The following APOB variants were observed in gnomAD, a reference collection of about 807,000 sequenced individuals.
APOB encodes apolipoprotein B, also known as apolipoprotein B-100.
APOB carries 153 observed loss-of-function variants against 314.1 expected under a neutral mutation model. That is an observed-to-expected ratio of 0.49 (90% confidence interval 0.43 to 0.56). APOB has a LOEUF of 0.56. Among genes scored for constraint, APOB ranks in the 20% least tolerant of loss-of-function variants. The pLI is 0.00. For synonymous variants in APOB, 2,087 were observed against 2,036.4 expected, an observed-to-expected ratio of 1.02 and a Z score of -0.67; for missense variants, 5,430 against 5,350.7, an observed-to-expected ratio of 1.01 and a Z score of -0.46.
At position 21,038,092 on chromosome 2, in the gene APOB, T is replaced by C. The variant is rs769296548; in HGVS notation, c.403A>G (p.Ile135Val). The change falls in exon 5 of 29, where the codon ATT becomes GTT. Residue 135 changes from isoleucine (I) to valine (V), a missense_variant. Physicochemically the swap from Ile to Val is conservative, Grantham distance 29. Around this residue, in one of 3 missense-constraint regions of APOB, gnomAD observed 2,085 missense variants for 2,079.7 expected, o/e 1.00. Coordinates refer to ENST00000233242, the MANE Select transcript of APOB (RefSeq NM_000384.3). ...AMSRYELKLAIPEGKQVFLYP... is the reference protein window; with the variant it reads ...AMSRYELKLAVPEGKQVFLYP... ...AGGAAAACCTGCTTCCCTTCTGGAA[T>C]GGCCAGCTTGAGCTCATACCTGTCC... 2.4e-5 allele frequency: 39 copies of C among 1,614,012 alleles called. No individual in the cohort carries two copies. The highest frequency in any genetic ancestry group is 2.2e-4 in the South Asian group (20 of 91,078).
chr2:21,015,049 A>C, intron 23 of APOB, 24 bp downstream of exon 23: 1 of 1,607,804 alleles, frequency 6.2e-7, no homozygotes, highest in South Asian at 1.1e-5. Context: ...CCATGTATTT[A>C]TTGACTGGCA....
At position 21,006,641 on chromosome 2, in the gene APOB, A is replaced by G; in HGVS notation, c.10227T>C (p.Ser3409=). 6.2e-7 allele frequency: 1 copy of G among 1,614,088 alleles called. No homozygotes were observed. Among genetic ancestry groups the G allele is most frequent in the Non-Finnish European group, 8.5e-7 (1 of 1,179,968 alleles). The change falls in exon 26 of 29, where the codon AGT becomes AGC. Residue 3409 remains serine, a synonymous_variant. Coordinates refer to ENST00000233242, the MANE Select transcript of APOB (RefSeq NM_000384.3). ...LSLSNKFVEG[S]HNSTVSLTTK... ...TGGTTAAGCTCACAGTACTGTTATG[A>G]CTACCCTCCACAAATTTGTTGCTCA...
Position 21,004,309 on chromosome 2 carries a change from T to C in APOB, c.12047A>G (p.Asp4016Gly). Reference sequence around the variant, plus strand: ...GAAGTTCCATTTAGAAAAGTCGTCATCTTCATCCATATCCATGCCCACGGT... The same window carrying C: ...GAAGTTCCATTTAGAAAAGTCGTCACCTTCATCCATATCCATGCCCACGGT... ...VGTVGMDMDE[D>G]DDFSKWNFYY... Residue 4016 changes from aspartate to glycine, a missense_variant, in exon 28 of 29, where the codon GAT (aspartate) becomes GGT (glycine). By Grantham distance (94) the Asp-to-Gly change is moderately conservative (BLOSUM62 -1). This residue lies in a region of APOB where 3,281 missense variants were observed against 3,171.0 expected (regional missense o/e 1.03). Transcript: ENST00000233242. The C allele has an allele frequency of 6.2e-7, 1 of 1,614,002 alleles. No homozygotes were observed. The highest frequency in any genetic ancestry group is 1.3e-5 in the African/African-American group (1 of 75,046).
chr2:21,008,497 C>G lies in APOB; in HGVS notation c.8371G>C (p.Ala2791Pro). Residue 2791 changes from alanine to proline, a missense_variant, in exon 26 of 29, where the codon GCT (alanine) becomes CCT (proline). Ala to Pro is a conservative substitution (Grantham distance 27). Coordinates refer to ENST00000233242, the MANE Select transcript of APOB (RefSeq NM_000384.3). ...TTSANEAGIA[A>P]SITAKGESKL... ...GACTCTCCTTTGGCAGTGATGGAAGCTGCGATACCTGCTTCGTTTGCTGAG... is the reference window on the plus strand; with the variant it reads ...GACTCTCCTTTGGCAGTGATGGAAGGTGCGATACCTGCTTCGTTTGCTGAG... 6.2e-7 allele frequency: 1 copy of G among 1,614,064 alleles called. No homozygotes were observed. The highest frequency in any genetic ancestry group is 8.5e-7 in the Non-Finnish European group (1 of 1,179,968).
Position 21,023,580 on chromosome 2 carries a change from G to A in APOB, c.2549C>T (p.Ser850Leu), listed in dbSNP as rs866632673. The A allele has an allele frequency of 1.9e-6, 3 of 1,614,200 alleles. No individual in the cohort carries two copies. Among genetic ancestry groups the A allele is most frequent in the East Asian group, 2.2e-5 (1 of 44,874 alleles). ...TGAGLQLQIS[S>L]SGVIAPGAKA... ...GGCTCCGGGAGCAATGACTCCAGAT[G>A]AAGATATTTGCAACTGTAATCCAGC... The change falls in exon 17 of 29, where the codon TCA (serine) becomes TTA (leucine). Residue 850 changes from serine to leucine, a missense_variant. Coordinates refer to ENST00000233242, the MANE Select transcript of APOB (RefSeq NM_000384.3).
rs1034147037 is a variant in APOB at position 21,002,498 on chromosome 2, T to C, written c.12924A>G (p.Gln4308=). ...NLQDLLQFIF[Q]LIEDNIKQLK... is the part of the protein sequence containing the mutation. Reference sequence around the variant, plus strand: ...GCTGTTTAATGTTATCTTCTATTAGTTGGAAAATGAATTGTAAAAGGTCCT... The same window carrying C: ...GCTGTTTAATGTTATCTTCTATTAGCTGGAAAATGAATTGTAAAAGGTCCT... The change falls in exon 29 of 29, where the codon CAA becomes CAG. Residue 4308 remains glutamine (Q), a synonymous_variant. Transcript: ENST00000233242. 3.1e-6 allele frequency: 5 copies of C among 1,612,580 alleles called. No homozygotes were observed. Among genetic ancestry groups the C allele is most frequent in the Non-Finnish European group, 4.2e-6 (5 of 1,178,920 alleles).
intron 28 of APOB, 32 bp downstream of exon 28, chr2:21,004,237 T>TG: frequency 6.2e-7 from 1 of 1,610,364 alleles, no homozygotes; most frequent in Non-Finnish European, 8.5e-7. Flanking sequence ...CACTCGCTCT[T>TG]GGGGGCGTGT....
Position 21,030,007 on chromosome 2 carries a change from T to G in APOB, c.1361A>C (p.Lys454Thr). The change falls in exon 11 of 29, where the codon AAG becomes ACG. Residue 454 changes from lysine to threonine, a missense_variant. Lys to Thr is a moderately conservative substitution (Grantham distance 78, BLOSUM62 -1). Transcript: ENST00000233242. ...CTCCTGGGTCCCTGTAGGGTTTGTC[T>G]TATGATAGCTACAGAATAAGAGAAG... ...ALSHAVNNYH[K>T]TNPTGTQELL... 1 of 1,600,252 alleles carries G rather than the reference T, an allele frequency of 6.2e-7. No homozygotes were observed. The highest frequency in any genetic ancestry group is 8.6e-7 in the Non-Finnish European group (1 of 1,167,318).
At chr2:21,038,635 T>C (rs579826) in intron 4 of APOB, among the ~76,000 whole-genome samples, 132,519 of 152,226 alleles carry the variant, frequency 0.87, 57,930 homozygotes, top group East Asian at 0.96. Flanking sequence ...CAGGTCCAGC[T>C]GTGTTTTAAC....
chr2:21,005,885 AAT>A lies in APOB; in HGVS notation c.10981_10982del (p.Ile3661CysfsTer20). 1 of 1,613,984 alleles carries A rather than the reference AAT, an allele frequency of 6.2e-7. No homozygotes were observed. Among genetic ancestry groups the A allele is most frequent in the Non-Finnish European group, 8.5e-7 (1 of 1,179,960 alleles). On this transcript the variant is annotated frameshift_variant, in exon 26 of 29. Coordinates refer to ENST00000233242, the MANE Select transcript of APOB (RefSeq NM_000384.3). LOFTEE classifies it high-confidence loss of function. ...TTAGGTGTCCTTCTAAGGATCCTGCAATGTCAAGGTGTGCCTTTTCTTGGTCA... is the reference window on the plus strand; with the variant it reads ...TTAGGTGTCCTTCTAAGGATCCTGCAGTCAAGGTGTGCCTTTTCTTGGTCA... ...SNDQEKAHLD[I>X]AGSLEGHLRF...
chr2:21,024,566 C>A, intron 16 of APOB: 1 of 425,390 alleles, frequency 2.4e-6, no homozygotes, highest in Non-Finnish European at 4.1e-6. Context: ...TGCAGTGAGC[C>A]GAGATTGTAT....
rs956901460 is a variant in APOB, at chr2:21,001,714, G to A, written c.*16C>T. The stretch of plus-strand genomic sequence containing the variant: ...CAATTGGAAAAGAAGAATAAATGAA[G>A]ATTTCTTTTAAAAAATTAGAGGATG... On this transcript the variant is annotated 3_prime_UTR_variant, in exon 29 of 29. Coordinates refer to ENST00000233242, the MANE Select transcript of APOB (RefSeq NM_000384.3). The A allele has an allele frequency of 1.9e-6, 3 of 1,610,920 alleles. No homozygotes were observed. Among genetic ancestry groups the A allele is most frequent in the Middle Eastern group, 1.6e-4 (1 of 6,076 alleles).
chr2:21,012,497 T>G lies in APOB; in HGVS notation c.4371A>C (p.Ala1457=), dbSNP rs201206305. The G allele has an allele frequency of 3.1e-6, 5 of 1,614,246 alleles. No homozygotes were observed. The highest frequency in any genetic ancestry group is 3.4e-6 in the Non-Finnish European group (4 of 1,180,044). Residue 1457 remains alanine, a synonymous_variant, in exon 26 of 29, where the codon GCA becomes GCC. Coordinates refer to ENST00000233242, the MANE Select transcript of APOB (RefSeq NM_000384.3). ...ACATCTGTGGTCCCCAGGAACTAGATGCATCGAATATTAGTAAACCTTTTG... is the reference window on the plus strand; with the variant it reads ...ACATCTGTGGTCCCCAGGAACTAGAGGCATCGAATATTAGTAAACCTTTTG... The part of the protein sequence containing the change: ...PVSKGLLIFD[A]SSSWGPQMSA...
chr2:21,010,301 A>G lies in APOB; in HGVS notation c.6567T>C (p.Tyr2189=). The part of the protein sequence containing the change: ...IQFDQYIKDS[Y]DLHDLKIAIA... Reference sequence around the variant, plus strand: ...TAGCTATTTTCAAATCATGTAAATCATAACTATCTTTAATATACTGATCAA... The same window carrying G: ...TAGCTATTTTCAAATCATGTAAATCGTAACTATCTTTAATATACTGATCAA... The change falls in exon 26 of 29, where the codon TAT becomes TAC. Residue 2189 remains tyrosine, a synonymous_variant. Coordinates refer to ENST00000233242, the MANE Select transcript of APOB (RefSeq NM_000384.3). The G allele has an allele frequency of 6.5e-7, 1 of 1,549,248 alleles. No individual in the cohort carries two copies. The highest frequency in any genetic ancestry group is 8.7e-7 in the Non-Finnish European group (1 of 1,150,290).
rs374411400 is a variant in APOB, at chr2:21,005,850, T to C, written c.11018A>G (p.Lys3673Arg). 175 of 1,614,064 alleles carry C rather than the reference T, an allele frequency of 1.1e-4. No homozygotes were observed. Among genetic ancestry groups the C allele is most frequent in the Non-Finnish European group, 1.4e-4 (164 of 1,179,954 alleles). The change falls in exon 26 of 29, where the codon AAA becomes AGA. Residue 3673 changes from lysine (K) to arginine (R), a missense_variant. Transcript: ENST00000233242. ...GSLEGHLRFL[K>R]NIILPVYDKS... is the part of the protein sequence containing the mutation. ...GTCATAGACTGGTAGGATGATATTTTTGAGGAACCTTAGGTGTCCTTCTAA... is the reference window on the plus strand; with the variant it reads ...GTCATAGACTGGTAGGATGATATTTCTGAGGAACCTTAGGTGTCCTTCTAA...
At chr2:21,037,372 G>A (rs949350842) in intron 5 of APOB, 117 bp from the exon 6 acceptor site, 2 of 1,155,620 alleles carry the variant, frequency 1.7e-6, no homozygotes, top group Admixed American at 2.0e-5. Context: ...GCTTTGGGAG[G>A]GACTTTCTTT....
Position 21,001,459 on chromosome 2 carries a change from G to T in APOB, c.*271C>A, listed in dbSNP as rs1340641678. On this transcript the variant is annotated 3_prime_UTR_variant, in exon 29 of 29. Coordinates refer to ENST00000233242, the MANE Select transcript of APOB (RefSeq NM_000384.3). ...TACACAATAAAGACTCCATTTATTT[G>T]TTCCTCCTCCCCCAAGTTTAGCAAA... 1 of 428,242 alleles carries T rather than the reference G, an allele frequency of 2.3e-6. No individual in the cohort carries two copies. The highest frequency in any genetic ancestry group is 4.2e-6 in the Non-Finnish European group (1 of 238,378). 26.5% of individuals were successfully genotyped at this position (428,242 alleles called of 1,614,324 possible). A position where few individuals can be genotyped will look rare whatever the true frequency, so the allele number is the denominator to read the frequency against.
chr2:21,006,807 G>C lies in APOB; in HGVS notation c.10061C>G (p.Ala3354Gly), dbSNP rs61742331. 4.8e-4 allele frequency: 771 copies of C among 1,614,068 alleles called. 2 individuals are homozygous for C. In the African/African-American group the frequency reaches 9.1e-3, roughly 19 times the overall value. Reference protein sequence around the residue: ...KSSVITLNTNAELFNQSDIVA... With the variant: ...KSSVITLNTNGELFNQSDIVA... ...AATATCTGACTGGTTAAAAAGTTCA[G>C]CATTGGTATTCAGTGTGATGACACT... The change falls in exon 26 of 29, where the codon GCT becomes GGT. Residue 3354 changes from alanine to glycine, a missense_variant. This residue lies in a region of APOB where 3,281 missense variants were observed against 3,171.0 expected (regional missense o/e 1.03). Transcript: ENST00000233242.
Position 21,011,993 on chromosome 2 carries a change from C to A in APOB, c.4875G>T (p.Glu1625Asp). Residue 1625 changes from glutamate (E) to aspartate (D), a missense_variant, in exon 26 of 29, where the codon GAG becomes GAT. Coordinates refer to ENST00000233242, the MANE Select transcript of APOB (RefSeq NM_000384.3). The part of the protein sequence containing the change: ...LSGSLNSHGL[E>D]LNADILGTDK... ...CAGTGCCTAAGATGTCAGCATTTAA[C>A]TCAAGACCATGGGAATTTAGTGATC... is the stretch of plus-strand genomic sequence containing the variant. 3 of 1,614,152 alleles carry A rather than the reference C, an allele frequency of 1.9e-6. No individual in the cohort carries two copies. Among genetic ancestry groups the A allele is most frequent in the Non-Finnish European group, 2.5e-6 (3 of 1,180,036 alleles).
Sources: allele counts gnomAD v4.1 joint callset (sites outside exome capture counted in the v4.1 genomes callset), GRCh38; gene constraint gnomAD v4.1.1; regional missense constraint gnomAD v4.1.1; transcripts MANE v1.5; gene names NCBI Gene and HGNC (gene_info 2026-07-23, HGNC 2026-07-21).